BABAM2: variants seen among roughly 807,000 people sequenced by gnomAD.
BABAM2 encodes the protein BRISC and BRCA1 A complex member 2, also known as BRISC and BRCA1-A complex member 2.
In BABAM2, 31 loss-of-function variants were observed where a neutral mutation model predicts 54.7. The observed-to-expected ratio is 0.57, with a 90% CI of 0.43 to 0.77. The LOEUF is 0.77. Ranked by LOEUF, BABAM2 falls within the 30% of genes least tolerant of loss-of-function variation. The probability of loss-of-function intolerance (pLI) is 0.00; values close to 1 mark genes in which losing one functional copy is unlikely to be tolerated. For missense variants in BABAM2, 364 were observed against 455.8 expected (o/e 0.80, Z 1.83); for synonymous variants, 167 against 162.9 (o/e 1.03, Z -0.19).
intron 2 of BABAM2, among the ~76,000 whole-genome samples, chr2:27,898,782 G>A (rs1372680503): frequency 6.6e-6 from 1 of 152,122 alleles, no homozygotes; most frequent in African/African-American, 2.4e-5. Context: ...GCCAGAGGCT[G>A]GGGGAATCAG....
At chr2:28,234,622 G>A (rs1312233071) in intron 7 of BABAM2, among the ~76,000 whole-genome samples, 1 of 152,178 alleles carries the variant, frequency 6.6e-6, no homozygotes, top group East Asian at 1.9e-4. Flanking sequence ...ATTATGCCAA[G>A]GATTGTTTCT....
chr2:28,185,879 A>G (rs538785929), intron 7 of BABAM2, among the ~76,000 whole-genome samples: 3 of 152,280 alleles, frequency 2.0e-5, no homozygotes, highest in Non-Finnish European at 2.9e-5. Context: ...GCTCTTTTAA[A>G]TATATCTTTT....
chr2:28,192,939 G>A (rs1450793330), intron 7 of BABAM2, among the ~76,000 whole-genome samples: 4 of 152,006 alleles, frequency 2.6e-5, no homozygotes, highest in Middle Eastern at 3.4e-3. Flanking sequence ...TTGGGAGGCC[G>A]AGATGGGTGG....
rs1683279981 is a variant in BABAM2 at position 28,249,860 on chromosome 2, C to T, written c.934+4998C>T. 3.9e-5 allele frequency among the ~76,000 whole-genome samples: 6 copies of T among 152,022 alleles called. No homozygotes were observed. The South Asian group carries it at 1.0e-3, about 26-fold the overall frequency. On this transcript the variant is annotated intron_variant, in intron 10 of 11. Coordinates refer to ENST00000379624, the MANE Select transcript of BABAM2 (RefSeq NM_199191.3). ...TTCCCAGGCTGGTCTCAAAACACCT[C>T]GGGCTCAAGGGATCCACCTGCCTCA...
intron 7 of BABAM2, among the ~76,000 whole-genome samples, chr2:28,170,736 T>G (rs2147848549): frequency 6.6e-6 from 1 of 152,310 alleles, no homozygotes; most frequent in East Asian, 1.9e-4. Flanking sequence ...TGTTATTATT[T>G]TGTATTTTGT....
intron 4 of BABAM2, among the ~76,000 whole-genome samples, chr2:28,010,359 A>G (rs1558654693): frequency 1.3e-5 from 2 of 152,174 alleles, no homozygotes; most frequent in Admixed American, 6.5e-5. Flanking sequence ...AAAAATCATT[A>G]TAATCATCAT....
At chr2:28,196,051 G>A (rs1398836548) in intron 7 of BABAM2, among the ~76,000 whole-genome samples, 1 of 152,182 alleles carries the variant, frequency 6.6e-6, no homozygotes, top group Non-Finnish European at 1.5e-5. Context: ...TTTTTGGCTG[G>A]GCGTGGTGGC....
At chr2:28,318,354 A>G (rs755006047) in intron 11 of BABAM2, among the ~76,000 whole-genome samples, 6 of 152,334 alleles carry the variant, frequency 3.9e-5, no homozygotes, top group Admixed American at 1.3e-4. Flanking sequence ...TTTGATTTAC[A>G]TATCATGTAT....
intron 4 of BABAM2, among the ~76,000 whole-genome samples, chr2:27,990,146 A>G (rs1012114833): frequency 1.3e-5 from 2 of 152,182 alleles, no homozygotes; most frequent in Non-Finnish European, 2.9e-5. Context: ...GGCCTTGGGT[A>G]GACTACCCAG....
chr2:28,011,515 C>T (rs1022251813), intron 4 of BABAM2, among the ~76,000 whole-genome samples: 3 of 152,068 alleles, frequency 2.0e-5, no homozygotes, highest in African/African-American at 7.2e-5. Flanking sequence ...GCTGGGATTT[C>T]GACTAAGAGG....
chr2:28,049,488 G>A (rs1363574082), intron 6 of BABAM2, among the ~76,000 whole-genome samples: 1 of 152,146 alleles, frequency 6.6e-6, no homozygotes, highest in Non-Finnish European at 1.5e-5. Context: ...GAAGTACTTG[G>A]ACTTTTATTG....
chr2:28,134,662 C>T (rs1670385558), intron 7 of BABAM2: 1 of 152,166 alleles, frequency 6.6e-6, no homozygotes. Context: ...AATGAGTACT[C>T]AAAACTTCCC....
At chr2:28,201,531 G>A (rs189982707) in intron 7 of BABAM2, among the ~76,000 whole-genome samples, 3 of 152,158 alleles carry the variant, frequency 2.0e-5, no homozygotes, top group Admixed American at 6.5e-5. Flanking sequence ...CTAATATTCC[G>A]CTTGCATAAG....
intron 6 of BABAM2, among the ~76,000 whole-genome samples, chr2:28,102,999 G>C (rs1387424992): frequency 6.6e-6 from 1 of 152,010 alleles, no homozygotes; most frequent in Non-Finnish European, 1.5e-5. Context: ...ACGGCCTATA[G>C]TTTTTTGTTT....
rs397735161 is a variant in BABAM2, at chr2:28,040,294, CTTTTTTTTTT to C, written c.496-5416_496-5407del. 1.8e-4 allele frequency among the ~76,000 whole-genome samples: 11 copies of C among 59,494 alleles called. 1 individual carries two copies. The South Asian group carries it at 3.8e-3, about 20-fold the overall frequency. The allele number at this position is 59,494 out of a possible 152,430, so 39.0% of individuals were successfully genotyped here. On this transcript the variant is annotated intron_variant, in intron 5 of 11. Coordinates refer to ENST00000379624, the MANE Select transcript of BABAM2 (RefSeq NM_199191.3). ...CAGTGCCAGAATGAAAAACTGAATT[CTTTTTTTTTT>C]TTTTTTTTTTTTTTGAGACGGAGTC...
intron 6 of BABAM2, among the ~76,000 whole-genome samples, chr2:28,098,459 A>G (rs1205107850): frequency 6.6e-6 from 1 of 152,228 alleles, no homozygotes; most frequent in African/African-American, 2.4e-5. Context: ...TTCTGTAATC[A>G]TATAACTTTA....
intron 7 of BABAM2, among the ~76,000 whole-genome samples, chr2:28,135,839 T>C (rs1670485679): frequency 6.6e-6 from 1 of 152,138 alleles, no homozygotes; most frequent in Admixed American, 6.5e-5. Context: ...CCTAGTTCAG[T>C]CTTCCAGTTG....
At chr2:28,191,909 T>TA (rs902021394) in intron 7 of BABAM2, among the ~76,000 whole-genome samples, 7 of 151,746 alleles carry the variant, frequency 4.6e-5, no homozygotes, top group Non-Finnish European at 1.0e-4. Flanking sequence ...CTCAAAACTA[T>TA]AAAAAAAAGA....
chr2:28,068,231 A>G (rs946082916), intron 6 of BABAM2, among the ~76,000 whole-genome samples: 6 of 152,228 alleles, frequency 3.9e-5, no homozygotes, highest in African/African-American at 1.4e-4. Context: ...ATAGCCTGCA[A>G]TTATTTTTAT....
Sources: allele counts gnomAD v4.1 joint callset (sites outside exome capture counted in the v4.1 genomes callset), GRCh38; gene constraint gnomAD v4.1.1; transcripts MANE v1.5; gene names NCBI Gene and HGNC (gene_info 2026-07-23, HGNC 2026-07-21).